WWOX: variants seen among roughly 807,000 people sequenced by gnomAD.
WWOX encodes WW domain-containing oxidoreductase.
WWOX carries 69 observed loss-of-function variants against 46.2 expected under a neutral mutation model. The ratio of observed to expected loss-of-function variants is 1.49; its 90% CI spans 1.23 to 1.82. The LOEUF (loss-of-function observed/expected upper bound fraction) is 1.82, where lower values mean the gene tolerates loss of function less well. Among genes scored for constraint, WWOX ranks in the 40% most tolerant of loss-of-function variants. The pLI is 0.00. For missense variants in WWOX, 919 were observed against 542.6 expected, an observed-to-expected ratio of 1.69 and a Z score of -6.89; for synonymous variants, 359 against 202.6, an observed-to-expected ratio of 1.77 and a Z score of -6.56.
chr16:79,145,258 T>G (rs181057004), intron 8 of WWOX, among the ~76,000 whole-genome samples: 35 of 152,298 alleles, frequency 2.3e-4, no homozygotes, highest in African/African-American at 7.5e-4. Flanking sequence ...AAAAAAGCAT[T>G]TGCTCAAATT....
At chr16:78,372,707 A>G (rs925832965) in intron 5 of WWOX, among the ~76,000 whole-genome samples, 1 of 152,144 alleles carries the variant, frequency 6.6e-6, no homozygotes, top group Admixed American at 6.5e-5. Context: ...TAGGCTTTTA[A>G]GGTCAGATTA....
intron 8 of WWOX, among the ~76,000 whole-genome samples, chr16:78,816,532 T>TTTTTG (rs2051335204): frequency 1.0e-5 from 1 of 99,392 alleles, no homozygotes; most frequent in Non-Finnish European, 2.0e-5. Context: ...TTTTTTTTTT[T>TTTTTG]GATACAATGA....
chr16:78,847,167 T>C (rs1278026063), intron 8 of WWOX, among the ~76,000 whole-genome samples: 2 of 152,230 alleles, frequency 1.3e-5, no homozygotes, highest in East Asian at 3.8e-4. Context: ...TGGTTCGTTT[T>C]ATTATAGAAT....
At chr16:78,841,661 C>G (rs967371251) in intron 8 of WWOX, among the ~76,000 whole-genome samples, 18 of 152,078 alleles carry the variant, frequency 1.2e-4, no homozygotes, top group African/African-American at 4.3e-4. Context: ...TTTCTTGAAT[C>G]CAAACCTATA....
intron 8 of WWOX, among the ~76,000 whole-genome samples, chr16:79,097,619 A>G (rs2049103479): frequency 6.6e-6 from 1 of 152,192 alleles, no homozygotes; most frequent in Non-Finnish European, 1.5e-5. Context: ...GAGAATGACG[A>G]CATTCAACAT....
chr16:78,889,684 C>T (rs146098796), intron 8 of WWOX, among the ~76,000 whole-genome samples: 1,795 of 152,218 alleles, frequency 0.012, 26 homozygotes, highest in Middle Eastern at 0.024. Flanking sequence ...TGTGAGCAAA[C>T]TCTCAGTGTG....
Position 78,853,140 on chromosome 16 carries a change from C to A in WWOX, c.1057-358468C>A, listed in dbSNP as rs143237204. Among the ~76,000 whole-genome samples, 12 of 152,260 alleles carry A rather than the reference C, an allele frequency of 7.9e-5. No homozygotes were observed. In the East Asian group the frequency reaches 2.3e-3, roughly 29 times the overall value. On this transcript the variant is annotated intron_variant, in intron 8 of 8. Transcript: ENST00000566780. ...TTGCATAACAATATGTTGTACTATACGTTATAACAATATGTTAATATGTTG... is the reference window on the plus strand; with the variant it reads ...TTGCATAACAATATGTTGTACTATAAGTTATAACAATATGTTAATATGTTG...
intron 7 of WWOX, among the ~76,000 whole-genome samples, chr16:78,425,440 G>C (rs2083053507): frequency 2.0e-5 from 3 of 152,160 alleles, no homozygotes; most frequent in Non-Finnish European, 4.4e-5. Flanking sequence ...GAGCCTGCGA[G>C]ATGAAATCAA....
At chr16:78,317,158 C>G (rs2080372149) in intron 5 of WWOX, among the ~76,000 whole-genome samples, 1 of 152,080 alleles carries the variant, frequency 6.6e-6, no homozygotes, top group African/African-American at 2.4e-5. Context: ...GGGAAGGCTT[C>G]TGGAAAGAAG....
At chr16:78,949,724 C>G (rs1190609351) in intron 8 of WWOX, among the ~76,000 whole-genome samples, 1 of 152,210 alleles carries the variant, frequency 6.6e-6, no homozygotes, top group Non-Finnish European at 1.5e-5. Flanking sequence ...TGTCCCTGAT[C>G]TACCTTGCGG....
At chr16:78,566,804 T>C (rs906224946) in intron 8 of WWOX, among the ~76,000 whole-genome samples, 2 of 152,160 alleles carry the variant, frequency 1.3e-5, no homozygotes, top group African/African-American at 4.8e-5. Context: ...ACCAAGAACA[T>C]GCTTTTTGCA....
intron 8 of WWOX, among the ~76,000 whole-genome samples, chr16:79,161,706 A>T (rs1166032497): frequency 6.6e-6 from 1 of 152,054 alleles, no homozygotes; most frequent in African/African-American, 2.4e-5. Flanking sequence ...TTTAGTAGAG[A>T]TGGGGTTTCA....
At chr16:78,557,353 C>A (rs987414632) in intron 8 of WWOX, among the ~76,000 whole-genome samples, 2 of 152,288 alleles carry the variant, frequency 1.3e-5, no homozygotes, top group South Asian at 4.1e-4. Context: ...TTTCTCCGCC[C>A]CCCGCACCGG....
At chr16:78,573,884 C>A (rs1567654317) in intron 8 of WWOX, among the ~76,000 whole-genome samples, 1 of 152,206 alleles carries the variant, frequency 6.6e-6, no homozygotes, top group Admixed American at 6.5e-5. Flanking sequence ...TTTATTATTT[C>A]ATGGTTTCTG....
chr16:78,519,496 T>C (rs562519373), intron 8 of WWOX, among the ~76,000 whole-genome samples: 32 of 151,532 alleles, frequency 2.1e-4, no homozygotes, highest in Non-Finnish European at 4.0e-4. Flanking sequence ...ATGAAATATA[T>C]ATATATATAT....
At chr16:78,766,464 T>C (rs1187000418) in intron 8 of WWOX, among the ~76,000 whole-genome samples, 5 of 152,150 alleles carry the variant, frequency 3.3e-5, no homozygotes. Flanking sequence ...GTCTCCTCCG[T>C]GTAGTCCCAG....
Position 78,517,984 on chromosome 16 carries a change from A to G in WWOX, c.1056+85232A>G, listed in dbSNP as rs191429073. Among the ~76,000 whole-genome samples, 50 of 151,584 alleles carry G rather than the reference A, an allele frequency of 3.3e-4. No individual in the cohort carries two copies. In the East Asian group the frequency reaches 4.9e-3, roughly 15 times the overall value. ...GTGTGGACCACAGAGATGGACTGAA[A>G]AGAGAAGTAACAGTCCTTGGTTTGT... is the stretch of plus-strand genomic sequence containing the variant. On this transcript the variant is annotated intron_variant, in intron 8 of 8. Coordinates refer to ENST00000566780, the MANE Select transcript of WWOX (RefSeq NM_016373.4).
chr16:78,883,033 C>G (rs2044376837), intron 8 of WWOX, among the ~76,000 whole-genome samples: 1 of 152,112 alleles, frequency 6.6e-6, no homozygotes, highest in Non-Finnish European at 1.5e-5. Flanking sequence ...AAATTGAAGG[C>G]TTGAGGACAG....
chr16:78,856,655 G>A (rs2052573556), intron 8 of WWOX, among the ~76,000 whole-genome samples: 1 of 152,088 alleles, frequency 6.6e-6, no homozygotes, highest in African/African-American at 2.4e-5. Context: ...AAAGAGGAAA[G>A]AAATGGAATA....
Sources: gnomAD v4.1 joint callset for allele counts (sites outside exome capture counted in the v4.1 genomes callset) on GRCh38, gnomAD v4.1.1 for gene constraint, MANE v1.5 for transcripts, NCBI Gene and HGNC (gene_info 2026-07-23, HGNC 2026-07-21) for gene names.